The following CMC1 variants were observed in gnomAD, a reference collection of about 807,000 sequenced individuals.
CMC1 encodes the protein COX assembly mitochondrial protein homolog.
Under a neutral mutation model 14.1 loss-of-function variants are expected in CMC1, and 14 were observed. The ratio of observed to expected loss-of-function variants is 0.99; its 90% CI spans 0.66 to 1.55. CMC1 has a LOEUF of 1.55. Ranked by LOEUF, CMC1 falls within the 40% of genes most tolerant of loss-of-function variation. The pLI is 0.00. For synonymous variants in CMC1, 50 were observed against 38.4 expected (o/e 1.30, Z -1.12); for missense variants, 127 against 123.8 (o/e 1.03, Z -0.12).
chr3:28,264,777 G>A (rs1699921003), intron 2 of CMC1, among the ~76,000 whole-genome samples: 1 of 152,198 alleles, frequency 6.6e-6, no homozygotes, highest in South Asian at 2.1e-4. Context: ...TTACTGCTAG[G>A]AAAATTTACT....
chr3:28,276,087 A>G (rs1389964575), intron 2 of CMC1, among the ~76,000 whole-genome samples: 1 of 152,076 alleles, frequency 6.6e-6, no homozygotes, highest in Non-Finnish European at 1.5e-5. Flanking sequence ...TCTCCCCGGG[A>G]ACTCAGTAGT....
chr3:28,264,544 T>A (rs552940334), intron 2 of CMC1, among the ~76,000 whole-genome samples: 21 of 152,288 alleles, frequency 1.4e-4, no homozygotes, highest in African/African-American at 4.8e-4. Context: ...TCTTGTGAGT[T>A]AGTTTAATCA....
At chr3:28,257,764 G>A (rs148155123) in intron 1 of CMC1, among the ~76,000 whole-genome samples, 312 of 152,132 alleles carry the variant, frequency 2.1e-3, no homozygotes, top group African/African-American at 7.1e-3. Context: ...TGATCTGCCC[G>A]CCTCGGCCTC....
chr3:28,254,200 A>C (rs1699276586), intron 1 of CMC1, among the ~76,000 whole-genome samples: 1 of 152,302 alleles, frequency 6.6e-6, no homozygotes, highest in Admixed American at 6.5e-5. Flanking sequence ...TAGTTTTGCA[A>C]CCTCTGTACA....
intron 2 of CMC1, among the ~76,000 whole-genome samples, chr3:28,268,774 A>G (rs1700129724): frequency 6.6e-6 from 1 of 152,224 alleles, no homozygotes. Context: ...TATGCCTATC[A>G]TGCCTGGTGT....
At chr3:28,300,214 G>T (rs1448867045) in intron 2 of CMC1, among the ~76,000 whole-genome samples, 1 of 152,100 alleles carries the variant, frequency 6.6e-6, no homozygotes, top group Non-Finnish European at 1.5e-5. Flanking sequence ...AAAGCCAGTA[G>T]TGTGACTTTT....
At chr3:28,308,994 AT>A (rs372674434) in intron 2 of CMC1, among the ~76,000 whole-genome samples, 31,049 of 105,824 alleles carry the variant, frequency 0.29, 3,435 homozygotes, top group Admixed American at 0.4. Context: ...AAAAAAATAA[AT>A]AAATAAATAA....
intron 2 of CMC1, among the ~76,000 whole-genome samples, chr3:28,314,757 C>T (rs1409955685): frequency 6.6e-6 from 1 of 152,066 alleles, no homozygotes; most frequent in Non-Finnish European, 1.5e-5. Flanking sequence ...CTTGTCCCAG[C>T]AAGGCCCCCC....
chr3:28,275,771 A>G (rs886401325), intron 2 of CMC1, among the ~76,000 whole-genome samples: 1 of 152,144 alleles, frequency 6.6e-6, no homozygotes, highest in Non-Finnish European at 1.5e-5. Context: ...CAGGGTCTCC[A>G]TCCCAGGGAG....
intron 2 of CMC1, among the ~76,000 whole-genome samples, chr3:28,295,055 C>T (rs188597760): frequency 1.3e-5 from 2 of 152,012 alleles, no homozygotes; most frequent in Non-Finnish European, 2.9e-5. Context: ...GCTGTGCTAC[C>T]CCAGAAATAC....
chr3:28,308,134 C>T (rs951577194), intron 2 of CMC1, among the ~76,000 whole-genome samples: 2 of 152,120 alleles, frequency 1.3e-5, no homozygotes, highest in African/African-American at 4.8e-5. Flanking sequence ...ATCCTTAATT[C>T]CCATTTCCTG....
chr3:28,249,849 C>T (rs1327619825), intron 1 of CMC1, among the ~76,000 whole-genome samples: 1 of 152,068 alleles, frequency 6.6e-6, no homozygotes, highest in African/African-American at 2.4e-5. Context: ...AGTTCAAGAC[C>T]AAGATTCAAG....
chr3:28,253,051 C>A (rs902779702), intron 1 of CMC1, among the ~76,000 whole-genome samples: 1 of 152,108 alleles, frequency 6.6e-6, no homozygotes, highest in Non-Finnish European at 1.5e-5. Context: ...CTTCGTCTAC[C>A]CTTCCTCATT....
intron 2 of CMC1, among the ~76,000 whole-genome samples, chr3:28,273,708 T>C (rs1700416347): frequency 6.6e-6 from 1 of 152,206 alleles, no homozygotes; most frequent in Admixed American, 6.5e-5. Flanking sequence ...GGTGTTAAAG[T>C]CACTCATTAT....
rs900323921 is a variant in CMC1, at chr3:28,316,038, A to C, written c.110-295A>C. ...TCTCTATGAAGTCTCCTTGCCCTTC[A>C]TCTCAGAAGTCCTCTCTCCCTCTTC... On this transcript the variant is annotated intron_variant, in intron 2 of 3. Transcript: ENST00000466830. 4 of 199,468 alleles carry C rather than the reference A, an allele frequency of 2.0e-5. No homozygotes were observed. In the Admixed American group the frequency reaches 2.3e-4, roughly 12 times the overall value. 12.4% of individuals were successfully genotyped at this position (199,468 alleles called of 1,614,324 possible).
chr3:28,290,374 G>A (rs1032625433), intron 2 of CMC1, among the ~76,000 whole-genome samples: 1 of 152,098 alleles, frequency 6.6e-6, no homozygotes, highest in Non-Finnish European at 1.5e-5. Flanking sequence ...GACATGTAGA[G>A]TGGATATAAT....
intron 2 of CMC1, 178 bp from the exon 3 acceptor site, chr3:28,316,155 T>C (rs753864066): frequency 4.8e-6 from 2 of 420,062 alleles, no homozygotes; most frequent in Non-Finnish European, 8.5e-6. Context: ...CGGTACCATG[T>C]GCCAAGCACA....
At chr3:28,249,349 G>A (rs781108815) in intron 1 of CMC1, among the ~76,000 whole-genome samples, 3 of 152,104 alleles carry the variant, frequency 2.0e-5, no homozygotes, top group South Asian at 4.1e-4. Context: ...AGGTACATAC[G>A]TATTTGTTTA....
At chr3:28,312,827 G>A (rs796153111) in intron 2 of CMC1, among the ~76,000 whole-genome samples, 11 of 152,180 alleles carry the variant, frequency 7.2e-5, no homozygotes, top group African/African-American at 2.4e-4. Context: ...AGATAATCTT[G>A]AGCCAAATTT....
Sources: gnomAD v4.1 joint callset for allele counts (sites outside exome capture counted in the v4.1 genomes callset) on GRCh38, gnomAD v4.1.1 for gene constraint, MANE v1.5 for transcripts, NCBI Gene and HGNC (gene_info 2026-07-23, HGNC 2026-07-21) for gene names.